The following EXOC3L2 variants were observed in gnomAD, a reference collection of about 807,000 sequenced individuals.
EXOC3L2 encodes the protein exocyst complex component 3-like protein 2.
In EXOC3L2, 17 loss-of-function variants were observed where a neutral mutation model predicts 44.4. That is an observed-to-expected ratio of 0.38 (90% CI 0.26 to 0.57). The LOEUF is 0.57. EXOC3L2 is among the 20% of genes least tolerant of loss of function. The pLI is 0.65. For synonymous variants in EXOC3L2, 256 were observed against 253.7 expected (o/e 1.01, Z -0.09); for missense variants, 541 against 588.4 (o/e 0.92, Z 0.83).
At chr19:45,225,522 C>T (rs1308789415) in intron 7 of EXOC3L2, among the ~76,000 whole-genome samples, 1 of 152,074 alleles carries the variant, frequency 6.6e-6, no homozygotes, top group African/African-American at 2.4e-5. Flanking sequence ...CCTGCCTTGG[C>T]CTCCCAAAGT....
At chr19:45,213,439 C>T in intron 11 of EXOC3L2, 82 bp from the exon 12 acceptor site, 11 of 1,533,572 alleles carry the variant, frequency 7.2e-6, no homozygotes, top group South Asian at 1.2e-5. Flanking sequence ...CCCACCTGAC[C>T]CCCTCACCTA....
chr19:45,218,244 C>A lies in EXOC3L2; in HGVS notation c.1795G>T (p.Gly599Cys), dbSNP rs1056920153. The change falls in exon 9 of 12, where the codon GGT becomes TGT. Residue 599 changes from glycine (G) to cysteine (C), a missense_variant. By Grantham distance (159) the Gly-to-Cys change is radical. Coordinates refer to ENST00000413988, the MANE Select transcript of EXOC3L2 (RefSeq NM_001382422.1). ...CTGCGCAGGGCCAGGGCCTGGGCAC[C>A]CAGCGTGCCCACGATGCCATCCAGG... ...EALDGIVGTL[G>C]AQALALRRMQ... 2 of 1,605,686 alleles carry A rather than the reference C, an allele frequency of 1.2e-6. No homozygotes were observed. Among genetic ancestry groups the A allele is most frequent in the Admixed American group, 3.4e-5 (2 of 59,498 alleles).
At chr19:45,222,791 A>C (rs1969912117) in intron 8 of EXOC3L2, among the ~76,000 whole-genome samples, 1 of 152,224 alleles carries the variant, frequency 6.6e-6, no homozygotes, top group Non-Finnish European at 1.5e-5. Flanking sequence ...CTAAGACCGT[A>C]GATTCGCAAT....
At chr19:45,244,713 A>G (rs1970156093) in intron 1 of EXOC3L2, among the ~76,000 whole-genome samples, 1 of 151,798 alleles carries the variant, frequency 6.6e-6, no homozygotes, top group South Asian at 2.1e-4. Context: ...AGCGGCCCTG[A>G]CCTCGGTTTG....
In EXOC3L2 at chr19:45,234,332, C is replaced by T; in HGVS notation, c.1018G>A (p.Ala340Thr). 3 of 370,010 alleles carry T rather than the reference C, an allele frequency of 8.1e-6. No homozygotes were observed. The highest frequency in any genetic ancestry group is 1.4e-5 in the Non-Finnish European group (3 of 207,680). The allele number at this position is 370,010 out of a possible 1,614,324, so 22.9% of individuals were successfully genotyped here. The change falls in exon 3 of 12, where the codon GCC becomes ACC. Residue 340 changes from alanine to threonine, a missense_variant. Coordinates refer to ENST00000413988, the MANE Select transcript of EXOC3L2 (RefSeq NM_001382422.1). The surrounding 1 kb of genome is among the most constrained non-coding windows in gnomAD (Gnocchi z 5.0). ...TAGACGCCGAAGGCGCCCAGGCCGG[C>T]GGGGTAGGCGGGCGCCAGGCGGCCC... ...VRGRLAPAYP[A>T]GLGAFGVYLR... is the part of the protein sequence containing the mutation.
At position 45,240,033 on chromosome 19, in the gene EXOC3L2, T is replaced by C. The variant is rs140440101; in HGVS notation, c.-16-972A>G. ...ATTTCTCCTGTTTGATTTGTACCCT[T>C]GTCATCTCTCCCTCATTCATCTCTT... On this transcript the variant is annotated intron_variant, in intron 1 of 11. Coordinates refer to ENST00000413988, the MANE Select transcript of EXOC3L2 (RefSeq NM_001382422.1). 5.9e-5 allele frequency among the ~76,000 whole-genome samples: 9 copies of C among 152,098 alleles called. No homozygotes were observed. In the East Asian group the frequency reaches 1.7e-3, roughly 29 times the overall value.
intron 7 of EXOC3L2, among the ~76,000 whole-genome samples, chr19:45,226,740 C>A (rs2122972459): frequency 8.6e-6 from 1 of 116,682 alleles, no homozygotes; most frequent in East Asian, 2.7e-4. Context: ...CCAGCTGACT[C>A]CCATCTCTTT....
chr19:45,226,729 CCCAG>C (rs1288082358), intron 7 of EXOC3L2, among the ~76,000 whole-genome samples: 34 of 145,778 alleles, frequency 2.3e-4, no homozygotes, highest in Middle Eastern at 3.9e-3. Flanking sequence ...AGCCACTGTG[CCCAG>C]CTGACTCCCA....
At chr19:45,235,094 A>C (rs916568537) in intron 2 of EXOC3L2, among the ~76,000 whole-genome samples, 1 of 152,118 alleles carries the variant, frequency 6.6e-6, no homozygotes, top group Non-Finnish European at 1.5e-5. Context: ...TGAGGTCAGG[A>C]GTTCAAGACC....
intron 1 of EXOC3L2, among the ~76,000 whole-genome samples, chr19:45,240,480 C>T (rs1312634379): frequency 6.6e-6 from 1 of 151,958 alleles, no homozygotes; most frequent in African/African-American, 2.4e-5. Context: ...CGGGGAATGG[C>T]GAGTGGCTGC....
intron 8 of EXOC3L2, among the ~76,000 whole-genome samples, chr19:45,222,642 C>T (rs535437141): frequency 2.0e-4 from 31 of 152,232 alleles, no homozygotes; most frequent in Admixed American, 1.4e-3. Flanking sequence ...CTCTCTCTCC[C>T]TCAAAACATA....
chr19:45,213,152 G>C lies in EXOC3L2; in HGVS notation c.2326C>G (p.Leu776Val), dbSNP rs376415591. 61 of 1,590,206 alleles carry C rather than the reference G, an allele frequency of 3.8e-5. 1 individual carries two copies. The African/African-American group carries it at 5.5e-4, about 14-fold the overall frequency. Reference sequence around the variant, plus strand: ...AAACTGGGCCTGGCCAGCCGGGAGAGGGGGAGGCGGCCCAGGAAGAGAGGG... The same window carrying C: ...AAACTGGGCCTGGCCAGCCGGGAGACGGGGAGGCGGCCCAGGAAGAGAGGG... Reference protein sequence around the residue: ...SLPLFLGRLPLSRLARPSLAC... With the variant: ...SLPLFLGRLPVSRLARPSLAC... The change falls in exon 12 of 12, where the codon CTC (leucine) becomes GTC (valine). Residue 776 changes from leucine (L) to valine (V), a missense_variant. Leu to Val is a conservative substitution (Grantham distance 32). Coordinates refer to ENST00000413988, the MANE Select transcript of EXOC3L2 (RefSeq NM_001382422.1).
chr19:45,234,301 C>T lies in EXOC3L2; in HGVS notation c.1049G>A (p.Arg350His). The part of the protein sequence containing the change: ...AGLGAFGVYL[R>H]GYHGALAEWL... ...CTCGGCCAGGGCCCCGTGGTAGCCG[C>T]GCAGGTAGACGCCGAAGGCGCCCAG... The change falls in exon 3 of 12, where the codon CGC becomes CAC. Residue 350 changes from arginine (R) to histidine (H), a missense_variant. Transcript: ENST00000413988. This position sits in a 1 kb window ranked among gnomAD's most constrained non-coding sequence, Gnocchi z 5.0. 1 of 389,138 alleles carries T rather than the reference C, an allele frequency of 2.6e-6. No individual in the cohort carries two copies. The highest frequency in any genetic ancestry group is 4.5e-6 in the Non-Finnish European group (1 of 219,964). The allele number at this position is 389,138 out of a possible 1,614,324, so 24.1% of individuals were successfully genotyped here.
At position 45,222,310 on chromosome 19, in the gene EXOC3L2, C is replaced by T. The variant is rs372189322; in HGVS notation, c.1719+2468G>A. Among the ~76,000 whole-genome samples, 253 of 151,904 alleles carry T rather than the reference C, an allele frequency of 1.7e-3. 1 individual carries two copies. Among genetic ancestry groups the T allele is most frequent in the Middle Eastern group, 6.8e-3 (2 of 294 alleles). On this transcript the variant is annotated intron_variant, in intron 8 of 11. Coordinates refer to ENST00000413988, the MANE Select transcript of EXOC3L2 (RefSeq NM_001382422.1). The stretch of plus-strand genomic sequence containing the variant: ...TGCCTCCCACGTTCAAGCGATTCTC[C>T]TGCCTCAGCCTCCCGAGTAGCTGGA...
rs1969851234 is a variant in EXOC3L2 at position 45,217,692 on chromosome 19, G to A, written c.1843-9C>T. 1.4e-6 allele frequency: 2 copies of A among 1,398,634 alleles called. No homozygotes were observed. Among genetic ancestry groups the A allele is most frequent in the Admixed American group, 3.4e-5 (1 of 29,308 alleles). 86.6% of individuals were successfully genotyped at this position (1,398,634 alleles called of 1,614,324 possible). Reference sequence around the variant, plus strand: ...AGCTCGGCTACCAGCGCCTGGAGGCGGAGGAGGGAAACCCGAGGGGTGTGA... The same window carrying A: ...AGCTCGGCTACCAGCGCCTGGAGGCAGAGGAGGGAAACCCGAGGGGTGTGA... On this transcript the variant is annotated splice_polypyrimidine_tract_variant and intron_variant, in intron 9 of 11. Transcript: ENST00000413988.
chr19:45,227,183 T>C (rs907207860), intron 7 of EXOC3L2, among the ~76,000 whole-genome samples: 7 of 150,916 alleles, frequency 4.6e-5, no homozygotes, highest in African/African-American at 1.7e-4. Flanking sequence ...AGTGGTGCGA[T>C]CTTGGCTCAC....
chr19:45,238,926 G>A lies in EXOC3L2; in HGVS notation c.120C>T (p.Ala40=), dbSNP rs966095023. 1.8e-5 allele frequency: 7 copies of A among 399,124 alleles called. No individual in the cohort carries two copies. Among genetic ancestry groups the A allele is most frequent in the South Asian group, 2.5e-4 (2 of 7,866 alleles). The allele number at this position is 399,124 out of a possible 1,614,324, so 24.7% of individuals were successfully genotyped here. The part of the protein sequence containing the change: ...EEVSGLEEEE[A]GELGSLPNGT... ...CATTGGGGAGGGACCCCAGCTCCCC[G>A]GCCTCTTCTTCCTCCAGCCCTGAAA... The change falls in exon 2 of 12, where the codon GCC becomes GCT. Residue 40 remains alanine, a synonymous_variant. Transcript: ENST00000413988. The surrounding 1 kb of genome is among the most constrained non-coding windows in gnomAD (Gnocchi z 5.5).
intron 8 of EXOC3L2, among the ~76,000 whole-genome samples, chr19:45,221,434 T>C (rs28645301): frequency 0.086 from 13,117 of 151,920 alleles, 747 homozygotes; most frequent in African/African-American, 0.16. Flanking sequence ...TCACTGCAAC[T>C]TCTGCCTCCC....
chr19:45,212,870 G>T lies in EXOC3L2; in HGVS notation c.*199C>A. ...CGGCCTCAGCCTCCCAAAGTGTTGGGATTACAGGCATGAGCCACCGTGCCT... is the reference window on the plus strand; with the variant it reads ...CGGCCTCAGCCTCCCAAAGTGTTGGTATTACAGGCATGAGCCACCGTGCCT... On this transcript the variant is annotated 3_prime_UTR_variant, in exon 12 of 12. Transcript: ENST00000413988. 1 of 561,404 alleles carries T rather than the reference G, an allele frequency of 1.8e-6. No homozygotes were observed. The highest frequency in any genetic ancestry group is 2.9e-6 in the Non-Finnish European group (1 of 347,414). 34.8% of individuals were successfully genotyped at this position (561,404 alleles called of 1,614,324 possible).
Sources: allele counts gnomAD v4.1 joint callset (sites outside exome capture counted in the v4.1 genomes callset), GRCh38; gene constraint gnomAD v4.1.1; non-coding constraint Gnocchi (gnomAD v3.1); transcripts MANE v1.5; gene names NCBI Gene and HGNC (gene_info 2026-07-23, HGNC 2026-07-21).